C2orf76: variants seen among roughly 807,000 people sequenced by gnomAD.
C2orf76 encodes the protein chromosome 2 open reading frame 76, also known as UPF0538 protein C2orf76.
C2orf76 carries 23 observed loss-of-function variants against 16.9 expected under a neutral mutation model. The ratio of observed to expected loss-of-function variants is 1.36; its 90% CI spans 0.98 to 1.93. C2orf76 has a LOEUF of 1.93. Among genes scored for constraint, C2orf76 ranks in the 30% most tolerant of loss-of-function variants. The pLI is 0.00. For missense variants in C2orf76, 152 were observed against 152.6 expected, an observed-to-expected ratio of 1.00 and a Z score of 0.02; for synonymous variants, 48 against 52.3, an observed-to-expected ratio of 0.92 and a Z score of 0.35.
the C2orf76 span, among the ~76,000 whole-genome samples, chr2:119,289,807 G>A: frequency 1.3e-5 from 2 of 151,820 alleles, no homozygotes; most frequent in Non-Finnish European, 1.5e-5. Context: ...GGCCCCGCTC[G>A]TAGCCCCAAC....
chr2:119,325,795 T>C (rs926576549), intron 2 of C2orf76, among the ~76,000 whole-genome samples: 2 of 152,194 alleles, frequency 1.3e-5, no homozygotes, highest in Non-Finnish European at 2.9e-5. Flanking sequence ...TGGTTTTAAT[T>C]TCCATTTCAC....
intron 2 of C2orf76, among the ~76,000 whole-genome samples, chr2:119,334,688 C>A: frequency 9.3e-6 from 1 of 107,194 alleles, no homozygotes; most frequent in African/African-American, 3.6e-5. Flanking sequence ...GAGACTCTCT[C>A]TCAGAAAAAA....
intron 5 of C2orf76, among the ~76,000 whole-genome samples, chr2:119,304,817 G>C (rs1678725510): frequency 6.6e-6 from 1 of 152,212 alleles, no homozygotes; most frequent in Non-Finnish European, 1.5e-5. Context: ...TTCAGAGAAT[G>C]ATTTCAGGGA....
At chr2:119,297,478 G>A (rs1678558119), downstream of C2orf76, among the ~76,000 whole-genome samples, 1 of 152,146 alleles carries the variant, frequency 6.6e-6, no homozygotes, top group Non-Finnish European at 1.5e-5. Context: ...TGCAAGAAGA[G>A]GATTTTTACT....
At chr2:119,300,700 A>G (rs1678606948), downstream of C2orf76, among the ~76,000 whole-genome samples, 1 of 152,260 alleles carries the variant, frequency 6.6e-6, no homozygotes, top group Non-Finnish European at 1.5e-5. Flanking sequence ...TATGCTCAGA[A>G]CATTTACATT....
At chr2:119,284,236 A>T in the C2orf76 span, among the ~76,000 whole-genome samples, 2 of 152,160 alleles carry the variant, frequency 1.3e-5, no homozygotes, top group Non-Finnish European at 2.9e-5. Context: ...ACCACGAGGG[A>T]ATGTCACATC....
chr2:119,314,246 A>G (rs1679093838), intron 4 of C2orf76, among the ~76,000 whole-genome samples: 1 of 152,068 alleles, frequency 6.6e-6, no homozygotes, highest in Non-Finnish European at 1.5e-5. Context: ...AATATACAAT[A>G]GATACAGAAT....
chr2:119,310,072 C>G (rs1329864770), intron 5 of C2orf76, among the ~76,000 whole-genome samples: 3 of 152,256 alleles, frequency 2.0e-5, no homozygotes, highest in East Asian at 3.9e-4. Flanking sequence ...TCATTCTTTC[C>G]TCACTTATTT....
At chr2:119,355,295 G>T (rs1490297349) in intron 1 of C2orf76, among the ~76,000 whole-genome samples, 4 of 152,206 alleles carry the variant, frequency 2.6e-5, no homozygotes, top group Non-Finnish European at 5.9e-5. Context: ...ACACGTCTGC[G>T]TGTCTTAGAA....
chr2:119,348,686 T>TA (rs76417247), intron 1 of C2orf76, among the ~76,000 whole-genome samples: 209 of 136,844 alleles, frequency 1.5e-3, no homozygotes, highest in Middle Eastern at 4.9e-3. Context: ...AACTCTGTCT[T>TA]AAAAAAAAAA....
intron 5 of C2orf76, among the ~76,000 whole-genome samples, chr2:119,309,392 C>CTTTTTTTTT: frequency 8.9e-6 from 1 of 112,606 alleles, no homozygotes; most frequent in Non-Finnish European, 1.9e-5. Flanking sequence ...CTTTTTTTCT[C>CTTTTTTTTT]TTTTTCTTTT....
In C2orf76 at chr2:119,302,326, C is replaced by T. The variant is rs910593936; in HGVS notation, c.*146G>A. The T allele has an allele frequency of 8.4e-6, 3 of 355,320 alleles. No homozygotes were observed. Among genetic ancestry groups the T allele is most frequent in the Non-Finnish European group, 1.5e-5 (3 of 200,262 alleles). The allele number at this position is 355,320 out of a possible 1,614,324, so 22.0% of individuals were successfully genotyped here. A position where few individuals can be genotyped will look rare whatever the true frequency, so the allele number is the denominator to read the frequency against. On this transcript the variant is annotated 3_prime_UTR_variant, in exon 6 of 6. Transcript: ENST00000334816. ...AGAAAAAGAAAGAGAGAAGGAAAGA[C>T]CTGAAGAGAAAGAAATAACCAGATT...
At chr2:119,288,598 G>A in the C2orf76 span, among the ~76,000 whole-genome samples, 4 of 151,978 alleles carry the variant, frequency 2.6e-5, no homozygotes, top group East Asian at 3.9e-4. Flanking sequence ...AGAGGACATC[G>A]AGGACAAGAG....
intron 2 of C2orf76, among the ~76,000 whole-genome samples, chr2:119,328,365 T>C (rs1203948186): frequency 6.6e-6 from 1 of 152,216 alleles, no homozygotes; most frequent in East Asian, 1.9e-4. Flanking sequence ...AAGCAATTTG[T>C]CCTCTTTATC....
rs538687489 is a variant in C2orf76 at position 119,322,541 on chromosome 2, G to A, written c.134-1337C>T. ...ATTATCATAGAACTATACTACACACGAGTGTGTGTAAAATGACATTCATAG... is the reference window on the plus strand; with the variant it reads ...ATTATCATAGAACTATACTACACACAAGTGTGTGTAAAATGACATTCATAG... On this transcript the variant is annotated intron_variant, in intron 2 of 5. Coordinates refer to ENST00000334816, the MANE Select transcript of C2orf76 (RefSeq NM_001322331.2). Among the ~76,000 whole-genome samples, 31 of 152,188 alleles carry A rather than the reference G, an allele frequency of 2.0e-4. 1 individual carries two copies. Among genetic ancestry groups the A allele is most frequent in the South Asian group, 1.0e-3 (5 of 4,826 alleles).
chr2:119,325,457 C>CAAA (rs59581840), intron 2 of C2orf76, among the ~76,000 whole-genome samples: 7,464 of 59,584 alleles, frequency 0.13, 684 homozygotes, highest in Non-Finnish European at 0.14. Context: ...AAGACTGTCT[C>CAAA]AAAAAAAAAA....
At chr2:119,353,047 G>C (rs1372286464) in intron 1 of C2orf76, among the ~76,000 whole-genome samples, 1 of 152,116 alleles carries the variant, frequency 6.6e-6, no homozygotes, top group Non-Finnish European at 1.5e-5. Context: ...GAAAGAGCAG[G>C]AAATTGTTAA....
chr2:119,314,415 C>T (rs1183406183), intron 4 of C2orf76, among the ~76,000 whole-genome samples: 1 of 152,084 alleles, frequency 6.6e-6, no homozygotes, highest in Non-Finnish European at 1.5e-5. Flanking sequence ...TTCAACTTAG[C>T]TGTTTTTTAG....
chr2:119,355,274 A>G (rs1680534181), intron 1 of C2orf76, among the ~76,000 whole-genome samples: 1 of 152,212 alleles, frequency 6.6e-6, no homozygotes, highest in Non-Finnish European at 1.5e-5. Flanking sequence ...ACATTTCTCC[A>G]TGGGTCTCTC....
Sources: allele counts gnomAD v4.1 joint callset (sites outside exome capture counted in the v4.1 genomes callset), GRCh38; gene constraint gnomAD v4.1.1; transcripts MANE v1.5; gene names NCBI Gene and HGNC (gene_info 2026-07-23, HGNC 2026-07-21).